Variants in ACKR2 observed in about 807,000 individuals in gnomAD.
The protein encoded by ACKR2 is atypical chemokine receptor 2.
For synonymous variants in ACKR2, 207 were observed against 192.2 expected (o/e 1.08, Z -0.64); for missense variants, 457 against 477.3 (o/e 0.96, Z 0.40).
intron 2 of ACKR2, among the ~76,000 whole-genome samples, chr3:42,822,758 G>A (rs1399605544): frequency 6.7e-6 from 1 of 148,704 alleles, no homozygotes; most frequent in Non-Finnish European, 1.5e-5. Context: ...TTGGGAGGTG[G>A]AGGCAGGATT....
At position 42,854,566 on chromosome 3, in the gene ACKR2, G is replaced by A. The variant is rs528593868; in HGVS notation, c.-37-9900G>A. 3.9e-4 allele frequency among the ~76,000 whole-genome samples: 60 copies of A among 152,310 alleles called. No individual in the cohort carries two copies. The South Asian group carries it at 4.4e-3, about 11-fold the overall frequency. On this transcript the variant is annotated intron_variant, in intron 2 of 2. Transcript: ENST00000422265. Reference sequence around the variant, plus strand: ...CCCGGCCCCCCATTTGCTAATCTGAGGCTGTGGACAATTGGGCTTCACCTA... The same window carrying A: ...CCCGGCCCCCCATTTGCTAATCTGAAGCTGTGGACAATTGGGCTTCACCTA...
At position 42,865,582 on chromosome 3, in the gene ACKR2, T is replaced by C. The variant is rs758769884; in HGVS notation, c.1080T>C (p.Thr360=). The C allele has an allele frequency of 6.2e-7, 1 of 1,614,158 alleles. No homozygotes were observed. The highest frequency in any genetic ancestry group is 8.5e-7 in the Non-Finnish European group (1 of 1,180,034). Residue 360 remains threonine, a synonymous_variant, in exon 3 of 3, where the codon ACT becomes ACC. Coordinates refer to ENST00000422265, the MANE Select transcript of ACKR2 (RefSeq NM_001296.5). ...TACTTACTGCCCAAGAGGAAATGAC[T>C]GGCATGAATGACCTTGGAGAGAGGC... ...SSILTAQEEM[T]GMNDLGERQS...
At chr3:42,812,829 G>A (rs1388498818) in intron 1 of ACKR2, among the ~76,000 whole-genome samples, 2 of 151,828 alleles carry the variant, frequency 1.3e-5, no homozygotes, top group African/African-American at 2.4e-5. Flanking sequence ...TGGGACTACA[G>A]GCATGTGCCA....
At chr3:42,819,594 AG>A (rs1485952679) in intron 1 of ACKR2, 36 bp from the exon 2 acceptor site, 4 of 152,380 alleles carry the variant, frequency 2.6e-5, no homozygotes, top group African/African-American at 9.6e-5. Context: ...CCCTGGCGGC[AG>A]AACCTCTATT....
At chr3:42,828,451 T>C (rs1575379089) in intron 2 of ACKR2, among the ~76,000 whole-genome samples, 1 of 152,274 alleles carries the variant, frequency 6.6e-6, no homozygotes, top group East Asian at 1.9e-4. Context: ...GAAAGTCAGA[T>C]CAAGTGACTG....
intron 2 of ACKR2, among the ~76,000 whole-genome samples, chr3:42,857,346 T>G (rs763931043): frequency 2.6e-5 from 4 of 152,108 alleles, no homozygotes; most frequent in Non-Finnish European, 5.9e-5. Context: ...CTTAGGTGAC[T>G]GAGTAGTTGG....
At chr3:42,863,442 G>T (rs2088403665) in intron 2 of ACKR2, among the ~76,000 whole-genome samples, 1 of 152,194 alleles carries the variant, frequency 6.6e-6, no homozygotes, top group Non-Finnish European at 1.5e-5. Context: ...CATTGTGGAA[G>T]ACAGTGTGGT....
chr3:42,864,865 C>T lies in ACKR2; in HGVS notation c.363C>T (p.Ser121=), dbSNP rs767972058. The change falls in exon 3 of 3, where the codon AGC becomes AGT. Residue 121 remains serine (S), a synonymous_variant. Coordinates refer to ENST00000422265, the MANE Select transcript of ACKR2 (RefSeq NM_001296.5). The part of the protein sequence containing the change: ...VFGSFLCKMV[S]TLYTINFYSG... Reference sequence around the variant, plus strand: ...GGAGTTTCTTGTGCAAGATGGTGAGCACTCTTTATACTATTAACTTTTACA... The same window carrying T: ...GGAGTTTCTTGTGCAAGATGGTGAGTACTCTTTATACTATTAACTTTTACA... 7 of 1,614,058 alleles carry T rather than the reference C, an allele frequency of 4.3e-6. 1 individual carries two copies. The African/African-American group carries it at 5.3e-5, about 12-fold the overall frequency.
rs57274343 is a variant in ACKR2 at position 42,833,422 on chromosome 3, A to G, written c.-38+13711A>G. Among the ~76,000 whole-genome samples, 1,136 of 152,282 alleles carry G rather than the reference A, an allele frequency of 7.5e-3. 19 individuals carry two copies. In the South Asian group the frequency reaches 0.078, roughly 11 times the overall value. On this transcript the variant is annotated intron_variant, in intron 2 of 2. Transcript: ENST00000422265. ...GGGGGAACAGATAGTGTTTGATTAC[A>G]TGCATAAGTTCTTTAGTGGTGATTT...
intron 2 of ACKR2, among the ~76,000 whole-genome samples, chr3:42,855,777 G>C (rs780802196): frequency 6.6e-6 from 1 of 152,198 alleles, no homozygotes; most frequent in Non-Finnish European, 1.5e-5. Context: ...TAAAGACCTC[G>C]AGTGGGAAGG....
intron 2 of ACKR2, among the ~76,000 whole-genome samples, chr3:42,842,298 A>T (rs1176056544): frequency 6.6e-6 from 1 of 152,242 alleles, no homozygotes; most frequent in East Asian, 1.9e-4. Flanking sequence ...TTGGGAAATA[A>T]CATCAAATGT....
chr3:42,853,103 T>C (rs896090767), intron 2 of ACKR2, among the ~76,000 whole-genome samples: 1 of 152,190 alleles, frequency 6.6e-6, no homozygotes, highest in Admixed American at 6.5e-5. Flanking sequence ...GTTTCTATTA[T>C]CTTCATTGTG....
chr3:42,861,119 G>A (rs1308726348), intron 2 of ACKR2, among the ~76,000 whole-genome samples: 1 of 152,010 alleles, frequency 6.6e-6, no homozygotes, highest in African/African-American at 2.4e-5. Context: ...CCACTAGCCA[G>A]ACTGATAAAC....
At chr3:42,863,247 G>GA (rs1012230791) in intron 2 of ACKR2, among the ~76,000 whole-genome samples, 1 of 151,708 alleles carries the variant, frequency 6.6e-6, no homozygotes, top group African/African-American at 2.4e-5. Context: ...ACAAACATAT[G>GA]AAAAAAAAGC....
intron 2 of ACKR2, chr3:42,851,463 T>C: frequency 3.0e-6 from 3 of 984,370 alleles, no homozygotes; most frequent in Non-Finnish European, 3.6e-6. Flanking sequence ...CGGTAGGTTA[T>C]AGCCATACTC....
At chr3:42,857,543 C>G (rs1204472885) in intron 2 of ACKR2, among the ~76,000 whole-genome samples, 2 of 152,088 alleles carry the variant, frequency 1.3e-5, no homozygotes, top group African/African-American at 4.8e-5. Flanking sequence ...AAGAACCTCA[C>G]AAGACAGGCA....
Position 42,866,017 on chromosome 3 carries a change from CCCA to C in ACKR2, c.*361_*363del. The C allele has an allele frequency of 8.7e-5, 18 of 208,060 alleles. No homozygotes were observed. Among genetic ancestry groups the C allele is most frequent in the East Asian group, 2.6e-4 (2 of 7,700 alleles). The allele number at this position is 208,060 out of a possible 1,614,324, so 12.9% of individuals were successfully genotyped here. A position where few individuals can be genotyped will look rare whatever the true frequency, so the allele number is the denominator to read the frequency against. Reference sequence around the variant, plus strand: ...AGGGTCTTGCTCTATTGCTCTGTCACCCAGGCTGGAATGCAGTGGCGAGATCTC... The same window carrying C: ...AGGGTCTTGCTCTATTGCTCTGTCACGGCTGGAATGCAGTGGCGAGATCTC... On this transcript the variant is annotated 3_prime_UTR_variant, in exon 3 of 3. Coordinates refer to ENST00000422265, the MANE Select transcript of ACKR2 (RefSeq NM_001296.5).
At chr3:42,811,541 T>G (rs1700694862) in intron 1 of ACKR2, among the ~76,000 whole-genome samples, 1 of 152,186 alleles carries the variant, frequency 6.6e-6, no homozygotes, top group Non-Finnish European at 1.5e-5. Flanking sequence ...TTCCCCCAAC[T>G]GACACAGCCT....
intron 2 of ACKR2, among the ~76,000 whole-genome samples, chr3:42,832,215 G>A (rs1575380420): frequency 6.6e-6 from 1 of 152,094 alleles, no homozygotes; most frequent in Non-Finnish European, 1.5e-5. Context: ...CAGGCTAGGC[G>A]TGGTGGCTCA....
Sources: allele counts gnomAD v4.1 joint callset (sites outside exome capture counted in the v4.1 genomes callset), GRCh38; gene constraint gnomAD v4.1.1; transcripts MANE v1.5; gene names NCBI Gene and HGNC (gene_info 2026-07-23, HGNC 2026-07-21).